The following ARHGEF9 variants were observed in gnomAD, a reference collection of about 807,000 sequenced individuals.
ARHGEF9 encodes the protein rho guanine nucleotide exchange factor 9.
Under a neutral mutation model 41.3 loss-of-function variants are expected in ARHGEF9, and 2 were observed. The ratio of observed to expected loss-of-function variants is 0.05; its 90% CI spans 0.02 to 0.15. The LOEUF is 0.15. Ranked by LOEUF, ARHGEF9 falls within the 10% of genes least tolerant of loss-of-function variation. ARHGEF9 has a pLI of 1.00. For missense variants in ARHGEF9, 225 were observed against 424.7 expected (o/e 0.53, Z 4.13); for synonymous variants, 160 against 154.4 (o/e 1.04, Z -0.27).
chrX:63,770,085 C>T (rs2056178858), intron 1 of ARHGEF9, among the ~76,000 whole-genome samples: 1 of 111,990 alleles, frequency 8.9e-6, no homozygotes, highest in Admixed American at 9.4e-5. Context: ...AATGCCAACC[C>T]GTGAAGGCAG....
intron 7 of ARHGEF9, 89 bp from the exon 8 acceptor site, chrX:63,655,826 GT>G (rs2048840371): frequency 1.8e-6 from 2 of 1,122,368 alleles, no homozygotes; most frequent in Non-Finnish European, 2.4e-6. Flanking sequence ...TGCTAACACT[GT>G]CACCGTTTTG....
chrX:63,658,289 G>C lies in ARHGEF9; in HGVS notation c.1078-2552C>G, dbSNP rs782353170. Reference sequence around the variant, plus strand: ...GTTAAATGTGAGTTTTCAGGCGCTAGATTTGTCATAAGCCAAATGTAAAGA... The same window carrying C: ...GTTAAATGTGAGTTTTCAGGCGCTACATTTGTCATAAGCCAAATGTAAAGA... On this transcript the variant is annotated intron_variant, in intron 7 of 9. Coordinates refer to ENST00000671741, the MANE Select transcript of ARHGEF9 (RefSeq NM_001353921.2). 3.6e-5 allele frequency among the ~76,000 whole-genome samples: 4 copies of C among 112,034 alleles called. No homozygotes were observed. The Admixed American group carries it at 3.8e-4, about 11-fold the overall frequency.
chrX:63,686,983 C>T (rs1351835027), intron 4 of ARHGEF9, among the ~76,000 whole-genome samples: 12 of 108,470 alleles, frequency 1.1e-4, no homozygotes, highest in Non-Finnish European at 2.3e-4. Flanking sequence ...AAAAATTATT[C>T]CTGCCTCAAC....
At chrX:63,715,100 G>A (rs1441566533) in intron 2 of ARHGEF9, among the ~76,000 whole-genome samples, 1 of 110,594 alleles carries the variant, frequency 9.0e-6, no homozygotes, top group Non-Finnish European at 1.9e-5. Context: ...AAGAAAACTA[G>A]ATGCCTCTAA....
At chrX:63,767,993 T>G (rs1230732582) in intron 1 of ARHGEF9, among the ~76,000 whole-genome samples, 3 of 112,356 alleles carry the variant, frequency 2.7e-5, no homozygotes, top group African/African-American at 9.7e-5. Context: ...CACTTTTTCT[T>G]TATTTCAGTA....
intron 2 of ARHGEF9, among the ~76,000 whole-genome samples, chrX:63,712,160 C>T (rs782297685): frequency 5.1e-4 from 57 of 112,059 alleles, no homozygotes; most frequent in African/African-American, 1.7e-3. Context: ...GGAACTCCCA[C>T]GCACTGCTGG....
In ARHGEF9 at chrX:63,710,139, C is replaced by T. The variant is rs781887730; in HGVS notation, c.211-3690G>A. Among the ~76,000 whole-genome samples the T allele has an allele frequency of 2.2e-3, 235 of 109,145 alleles. 3 individuals carry two copies. The highest frequency in any genetic ancestry group is 3.0e-3 in the Admixed American group (31 of 10,211). The allele number at this position is 109,145 out of a possible 115,157, so 94.8% of individuals were successfully genotyped here. A position where few individuals can be genotyped will look rare whatever the true frequency, so the allele number is the denominator to read the frequency against. On this transcript the variant is annotated intron_variant, in intron 2 of 9. Coordinates refer to ENST00000671741, the MANE Select transcript of ARHGEF9 (RefSeq NM_001353921.2). ...AGGGAATATTATGACCAATTGTATG[C>T]CAATAAATTACATAACCTGATGAAA... is the stretch of plus-strand genomic sequence containing the variant.
chrX:63,646,296 T>A (rs1277881686), intron 8 of ARHGEF9, among the ~76,000 whole-genome samples: 1 of 112,220 alleles, frequency 8.9e-6, no homozygotes, highest in Non-Finnish European at 1.9e-5. Context: ...AGACATGAAG[T>A]CCTTGCCCAT....
chrX:63,766,480 G>A (rs1415718787), intron 1 of ARHGEF9, among the ~76,000 whole-genome samples: 1 of 111,733 alleles, frequency 8.9e-6, no homozygotes, highest in Admixed American at 9.5e-5. Flanking sequence ...CTCTCTTAGG[G>A]CCAGCTCCAG....
chrX:63,712,501 C>T (rs1164483181), intron 2 of ARHGEF9, among the ~76,000 whole-genome samples: 11 of 110,921 alleles, frequency 9.9e-5, no homozygotes, highest in African/African-American at 3.3e-4. Flanking sequence ...GATAAGTATG[C>T]GAGATGATGA....
At chrX:63,781,031 G>T (rs1282801893) in intron 1 of ARHGEF9, among the ~76,000 whole-genome samples, 1 of 111,953 alleles carries the variant, frequency 8.9e-6, no homozygotes, top group Admixed American at 9.5e-5. Flanking sequence ...ACCAATTGTA[G>T]TTTTATGTGT....
chrX:63,685,844 C>A (rs2050950271), intron 4 of ARHGEF9, among the ~76,000 whole-genome samples: 1 of 111,354 alleles, frequency 9.0e-6, no homozygotes, highest in African/African-American at 3.3e-5. Context: ...TATATAACTT[C>A]TATTTTTAAA....
At chrX:63,671,745 G>T (rs1556355855) in intron 6 of ARHGEF9, among the ~76,000 whole-genome samples, 1 of 112,633 alleles carries the variant, frequency 8.9e-6, no homozygotes, top group East Asian at 2.8e-4. Flanking sequence ...ATACACACAA[G>T]AATCGTCAGG....
chrX:63,691,110 T>A (rs1556381002), intron 4 of ARHGEF9, among the ~76,000 whole-genome samples: 2 of 111,987 alleles, frequency 1.8e-5, no homozygotes, highest in African/African-American at 6.5e-5. Context: ...TTATGTTCAG[T>A]GTAGTACTGC....
At chrX:63,763,042 G>A (rs1343465243) in intron 1 of ARHGEF9, among the ~76,000 whole-genome samples, 1 of 112,021 alleles carries the variant, frequency 8.9e-6, no homozygotes, top group East Asian at 2.8e-4. Context: ...TCAATCAACT[G>A]TGTTTGTTAT....
intron 2 of ARHGEF9, among the ~76,000 whole-genome samples, chrX:63,708,368 G>T (rs1170445245): frequency 2.7e-5 from 3 of 111,938 alleles, no homozygotes; most frequent in Non-Finnish European, 5.6e-5. Context: ...TTCACTTTTG[G>T]ATAGCTGGAA....
chrX:63,767,254 C>T, intron 1 of ARHGEF9: 1 of 576,029 alleles, frequency 1.7e-6, no homozygotes, highest in Non-Finnish European at 3.0e-6. Context: ...GAAAGCACCA[C>T]TTGCTACTGG....
At chrX:63,772,611 T>C (rs1324991783) in intron 1 of ARHGEF9, among the ~76,000 whole-genome samples, 3 of 111,742 alleles carry the variant, frequency 2.7e-5, no homozygotes, top group Non-Finnish European at 5.6e-5. Flanking sequence ...CAAGGTCACA[T>C]AGCTAAGAAG....
chrX:63,751,501 C>T (rs1200201348), intron 1 of ARHGEF9, among the ~76,000 whole-genome samples: 1 of 112,011 alleles, frequency 8.9e-6, no homozygotes, highest in Non-Finnish European at 1.9e-5. Flanking sequence ...CACACTGCTA[C>T]CTTTTGTTCT....
Sources: gnomAD v4.1 joint callset for allele counts (sites outside exome capture counted in the v4.1 genomes callset) on GRCh38, gnomAD v4.1.1 for gene constraint, MANE v1.5 for transcripts, NCBI Gene and HGNC (gene_info 2026-07-23, HGNC 2026-07-21) for gene names.